The following SI variants were observed in gnomAD, a reference collection of about 807,000 sequenced individuals.
The protein encoded by SI is sucrase-isomaltase, also known as sucrase-isomaltase, intestinal.
A neutral mutation model predicts 253.3 loss-of-function variants in SI; 235 were observed. That is an observed-to-expected ratio of 0.93 (90% confidence interval 0.83 to 1.03). The LOEUF is 1.03. Among genes scored for constraint, SI ranks in the 50% least tolerant of loss-of-function variants. The pLI is 0.00. For missense variants in SI, 2,442 were observed against 2,211.1 expected (o/e 1.10, Z -2.09); for synonymous variants, 819 against 712.0 (o/e 1.15, Z -2.39).
chr3:165,018,549 A>T (rs1202277570), intron 28 of SI, among the ~76,000 whole-genome samples: 1 of 150,604 alleles, frequency 6.6e-6, no homozygotes, highest in African/African-American at 2.4e-5. Context: ...ATATTTATAG[A>T]ACATTTAAAG....
intron 31 of SI, among the ~76,000 whole-genome samples, 193 bp from the exon 32 acceptor site, chr3:165,016,273 A>AT (rs1719023655): frequency 6.6e-6 from 1 of 152,022 alleles, no homozygotes; most frequent in African/African-American, 2.4e-5. Context: ...TTCTAAGAAC[A>AT]ACTTTCTATA....
intron 15 of SI, among the ~76,000 whole-genome samples, chr3:165,047,560 T>C (rs1407710784): frequency 2.0e-5 from 3 of 152,080 alleles, no homozygotes. Flanking sequence ...AAATATATTC[T>C]GGTAAAATAC....
intron 34 of SI, among the ~76,000 whole-genome samples, chr3:165,009,652 G>T (rs926724220): frequency 6.6e-6 from 1 of 152,122 alleles, no homozygotes; most frequent in African/African-American, 2.4e-5. Context: ...ACCCACAAAA[G>T]CATTATTTTT....
At position 165,016,017 on chromosome 3, in the gene SI, A is replaced by T. The variant is rs760534537; in HGVS notation, c.3823T>A (p.Phe1275Ile). The change falls in exon 32 of 48, where the codon TTC becomes ATC. Residue 1275 changes from phenylalanine (F) to isoleucine (I), a missense_variant. Coordinates refer to ENST00000264382, the MANE Select transcript of SI (RefSeq NM_001041.4). ...TCAACAAACTGAGGAAGGTCCTGGA[A>T]TGCTTCACCAATTGTAAAGTCTAGC... ...RQLDFTIGEAFQDLPQFVDKI... is the reference protein window; with the variant it reads ...RQLDFTIGEAIQDLPQFVDKI... The T allele has an allele frequency of 1.2e-6, 2 of 1,612,170 alleles. No homozygotes were observed. Among genetic ancestry groups the T allele is most frequent in the Non-Finnish European group, 1.7e-6 (2 of 1,178,396 alleles).
At chr3:164,998,137 C>T (rs1718101295) in intron 38 of SI, among the ~76,000 whole-genome samples, 2 of 151,816 alleles carry the variant, frequency 1.3e-5, no homozygotes, top group African/African-American at 4.8e-5. Context: ...TTAATTTACA[C>T]TACTACCAAC....
In SI at chr3:165,074,687, A is replaced by G; in HGVS notation, c.119-20T>C. ...TAATTTCTGGGGGAGGAAAAAACTC[A>G]ATAAAATAAAACATGACATTAAATT... On this transcript the variant is annotated intron_variant, in intron 2 of 47. Transcript: ENST00000264382. 1.3e-6 allele frequency: 2 copies of G among 1,591,718 alleles called. No individual in the cohort carries two copies. Among genetic ancestry groups the G allele is most frequent in the Non-Finnish European group, 1.7e-6 (2 of 1,161,024 alleles).
In SI at chr3:165,017,963, G is replaced by A. The variant is rs1194717144; in HGVS notation, c.3520+7C>T. On this transcript the variant is annotated splice_region_variant and intron_variant, in intron 29 of 47. Transcript: ENST00000264382. ...AATAAGAGACATTCAACAAATGATT[G>A]TTTTACCCATTGCATTGCTGTTGAG... 1 of 1,599,386 alleles carries A rather than the reference G, an allele frequency of 6.3e-7. No homozygotes were observed. Among genetic ancestry groups the A allele is most frequent in the African/African-American group, 1.3e-5 (1 of 74,520 alleles).
chr3:165,047,256 A>G (rs2108228991), intron 15 of SI, among the ~76,000 whole-genome samples: 1 of 152,088 alleles, frequency 6.6e-6, no homozygotes, highest in Non-Finnish European at 1.5e-5. Flanking sequence ...GAGTCTCATG[A>G]GATCTGACGG....
intron 17 of SI, among the ~76,000 whole-genome samples, chr3:165,041,695 G>T (rs1413617809): frequency 6.6e-6 from 1 of 152,064 alleles, no homozygotes; most frequent in Non-Finnish European, 1.5e-5. Flanking sequence ...ACTGAGCTCA[G>T]GGTAGATAAG....
chr3:165,024,120 A>C (rs758328504), intron 25 of SI, among the ~76,000 whole-genome samples: 1 of 151,452 alleles, frequency 6.6e-6, no homozygotes, highest in African/African-American at 2.4e-5. Context: ...CTTACTGTTC[A>C]TATTGATTGT....
At chr3:165,058,060 T>TA (rs542890971) in intron 12 of SI, among the ~76,000 whole-genome samples, 25 of 92,802 alleles carry the variant, frequency 2.7e-4, no homozygotes, top group Middle Eastern at 5.6e-3. Flanking sequence ...ATATTTTTTT[T>TA]TAAAAAATTG....
intron 21 of SI, among the ~76,000 whole-genome samples, chr3:165,037,349 G>C (rs1360928387): frequency 6.6e-6 from 1 of 151,896 alleles, no homozygotes; most frequent in Non-Finnish European, 1.5e-5. Flanking sequence ...TGTGCTCTTT[G>C]TACTCAGAAT....
At chr3:165,045,513 T>C (rs1041022925) in intron 16 of SI, among the ~76,000 whole-genome samples, 1 of 152,086 alleles carries the variant, frequency 6.6e-6, no homozygotes, top group South Asian at 2.1e-4. Context: ...TTATTAAAAG[T>C]TTTGAAGAGC....
chr3:164,982,880 G>A lies in SI; in HGVS notation c.5247+122C>T, dbSNP rs1717257752. The A allele has an allele frequency of 3.4e-6, 3 of 888,986 alleles. No individual in the cohort carries two copies. In the African/African-American group the frequency reaches 5.0e-5, roughly 15 times the overall value. 55.1% of individuals were successfully genotyped at this position (888,986 alleles called of 1,614,324 possible). A position where few individuals can be genotyped will look rare whatever the true frequency, so the allele number is the denominator to read the frequency against. On this transcript the variant is annotated intron_variant, in intron 46 of 47. Coordinates refer to ENST00000264382, the MANE Select transcript of SI (RefSeq NM_001041.4). ...TGCCCAGACAGGTCTTGAACCCCTG[G>A]CCTCAAGCAATCCTCCCATGTCAGC...
At position 165,030,754 on chromosome 3, in the gene SI, T is replaced by C. The variant is rs888007190; in HGVS notation, c.2850A>G (p.Ala950=). The C allele has an allele frequency of 1.2e-5, 19 of 1,609,196 alleles. No homozygotes were observed. Among genetic ancestry groups the C allele is most frequent in the Non-Finnish European group, 1.6e-5 (19 of 1,176,954 alleles). Residue 950 remains alanine, a synonymous_variant, in exon 25 of 48, where the codon GCA becomes GCG. Transcript: ENST00000264382. ...RFNCYPDADL[A]TEQKCTQRGC... is the part of the protein sequence containing the mutation. ...CACGTTGTGTGCACTTTTGTTCAGT[T>C]GCCAAATCTGCATCTGGATAACAAT...
chr3:164,996,302 C>G (rs989454571), intron 40 of SI, among the ~76,000 whole-genome samples: 3 of 151,696 alleles, frequency 2.0e-5, no homozygotes, highest in Admixed American at 6.6e-5. Context: ...AAGTCAGCAT[C>G]ATGAAATTTA....
chr3:165,049,080 T>G, intron 15 of SI, 47 bp downstream of exon 15: 2 of 1,050,502 alleles, frequency 1.9e-6, no homozygotes, highest in South Asian at 2.5e-5. Context: ...CAAAAACATT[T>G]TTAAGCAATA....
rs755506089 is a variant in SI, at chr3:164,987,173, T to C, written c.5162A>G (p.Gln1721Arg). 1.6e-5 allele frequency: 26 copies of C among 1,613,636 alleles called. No individual in the cohort carries two copies. The highest frequency in any genetic ancestry group is 2.2e-5 in the Non-Finnish European group (26 of 1,179,778). ...IVAADDNQMAQGSLFWDDGES... is the reference protein window; with the variant it reads ...IVAADDNQMARGSLFWDDGES... ...TCCATCATCCCAAAACAGAGAACCCTGTGCCATCTGATTATCATCTGCAGC... is the reference window on the plus strand; with the variant it reads ...TCCATCATCCCAAAACAGAGAACCCCGTGCCATCTGATTATCATCTGCAGC... The change falls in exon 45 of 48, where the codon CAG becomes CGG. Residue 1721 changes from glutamine to arginine, a missense_variant. Coordinates refer to ENST00000264382, the MANE Select transcript of SI (RefSeq NM_001041.4).
chr3:165,077,436 G>T (rs1278123483), intron 1 of SI, among the ~76,000 whole-genome samples: 2 of 151,614 alleles, frequency 1.3e-5, no homozygotes, highest in African/African-American at 4.8e-5. Flanking sequence ...AGTAGTCAGA[G>T]AATAATATTA....
Sources: gnomAD v4.1 joint callset for allele counts (sites outside exome capture counted in the v4.1 genomes callset) on GRCh38, gnomAD v4.1.1 for gene constraint, MANE v1.5 for transcripts, NCBI Gene and HGNC (gene_info 2026-07-23, HGNC 2026-07-21) for gene names.